Variants in KANSL1 observed in about 807,000 individuals in gnomAD.
The protein encoded by KANSL1 is KAT8 regulatory NSL complex subunit 1, also known as MLL1/MLL complex subunit KANSL1.
Under a neutral mutation model 103.6 loss-of-function variants are expected in KANSL1, and 22 were observed. The ratio of observed to expected loss-of-function variants is 0.21; its 90% confidence interval spans 0.15 to 0.30. The LOEUF (loss-of-function observed/expected upper bound fraction) is 0.30, where lower values mean the gene tolerates loss of function less well. Among genes scored for constraint, KANSL1 ranks in the 10% least tolerant of loss-of-function variants. KANSL1 has a pLI of 1.00. For missense variants in KANSL1, 1,337 were observed against 1,399.8 expected (o/e 0.96, Z 0.72); for synonymous variants, 600 against 527.6 (o/e 1.14, Z -1.88).
In KANSL1 at chr17:46,104,291, C is replaced by A. The variant is rs565737757; in HGVS notation, c.1290-9590G>T. ...CAATAAAAGAAATGTAATTGTTTGT[C>A]ATACCCTATGCAAATTTCCAACCAG... On this transcript the variant is annotated intron_variant, in intron 2 of 14. Coordinates refer to ENST00000432791, the MANE Select transcript of KANSL1 (RefSeq NM_015443.4). Among the ~76,000 whole-genome samples, 6 of 152,258 alleles carry A rather than the reference C, an allele frequency of 3.9e-5. No individual in the cohort carries two copies. In the East Asian group the frequency reaches 1.2e-3, roughly 29 times the overall value.
intron 1 of KANSL1, among the ~76,000 whole-genome samples, chr17:46,174,832 C>A (rs1040449183): frequency 2.6e-5 from 4 of 152,188 alleles, no homozygotes; most frequent in Admixed American, 2.0e-4. Flanking sequence ...TGCCACCATG[C>A]CCGGCTAATT....
chr17:46,130,856 T>C (rs1249427591), intron 2 of KANSL1, among the ~76,000 whole-genome samples: 1 of 152,240 alleles, frequency 6.6e-6, no homozygotes, highest in Non-Finnish European at 1.5e-5. Flanking sequence ...TGGTTCACTG[T>C]ACCACTTACA....
At chr17:46,060,916 G>C (rs2078135089) in intron 6 of KANSL1, among the ~76,000 whole-genome samples, 1 of 152,128 alleles carries the variant, frequency 6.6e-6, no homozygotes. Flanking sequence ...ATTTGGCCCA[G>C]AGCAATCCCC....
chr17:46,117,762 C>T (rs2043107187), intron 2 of KANSL1, among the ~76,000 whole-genome samples: 1 of 152,110 alleles, frequency 6.6e-6, no homozygotes, highest in Non-Finnish European at 1.5e-5. Flanking sequence ...AAACAATTTG[C>T]ATTTTAATTA....
At chr17:46,176,728 T>C (rs1482803365) in intron 1 of KANSL1, among the ~76,000 whole-genome samples, 1 of 152,022 alleles carries the variant, frequency 6.6e-6, no homozygotes, top group African/African-American at 2.4e-5. Context: ...CTCCAAGACT[T>C]CTCTGAAATG....
intron 6 of KANSL1, among the ~76,000 whole-genome samples, chr17:46,055,128 C>T (rs1333889870): frequency 6.6e-6 from 1 of 151,556 alleles, no homozygotes; most frequent in South Asian, 2.1e-4. Context: ...GGATTACAGA[C>T]GTGAGCCACC....
At chr17:46,105,499 C>T (rs1204328590) in intron 2 of KANSL1, among the ~76,000 whole-genome samples, 1 of 152,066 alleles carries the variant, frequency 6.6e-6, no homozygotes. Flanking sequence ...GCCTGTAATT[C>T]CAGCTACTTG....
chr17:46,109,177 G>A (rs1247694040), intron 2 of KANSL1, among the ~76,000 whole-genome samples: 1 of 152,048 alleles, frequency 6.6e-6, no homozygotes, highest in Non-Finnish European at 1.5e-5. Flanking sequence ...CAAACTCCTA[G>A]GCTCAGGTGA....
At chr17:46,073,252 C>T (rs1016007991) in intron 4 of KANSL1, among the ~76,000 whole-genome samples, 6 of 152,214 alleles carry the variant, frequency 3.9e-5, no homozygotes, top group Non-Finnish European at 7.3e-5. Context: ...ATTAGCTCTT[C>T]ACTTAATAGT....
At chr17:46,202,281 A>G (rs2047831155) in intron 1 of KANSL1, among the ~76,000 whole-genome samples, 1 of 152,262 alleles carries the variant, frequency 6.6e-6, no homozygotes, top group Non-Finnish European at 1.5e-5. Context: ...TCTCCAAGAT[A>G]GTACATTATG....
intron 1 of KANSL1, among the ~76,000 whole-genome samples, chr17:46,217,145 C>G (rs1006770590): frequency 1.3e-5 from 2 of 149,958 alleles, no homozygotes; most frequent in African/African-American, 4.9e-5. Flanking sequence ...ATATGTAGTA[C>G]TCCTAACATT....
rs142905879 is a variant in KANSL1, at chr17:46,116,756, G to A, written c.1290-22055C>T. 7.5e-3 allele frequency among the ~76,000 whole-genome samples: 1,136 copies of A among 152,182 alleles called. 15 individuals are homozygous for A. Among genetic ancestry groups the A allele is most frequent in the African/African-American group, 0.027 (1,101 of 41,478 alleles). On this transcript the variant is annotated intron_variant, in intron 2 of 14. Coordinates refer to ENST00000432791, the MANE Select transcript of KANSL1 (RefSeq NM_015443.4). ...TTTAGAGTCCTCCAATTTCTTATCAGTTTTCCAATACAGCTCAAGAACTTT... is the reference window on the plus strand; with the variant it reads ...TTTAGAGTCCTCCAATTTCTTATCAATTTTCCAATACAGCTCAAGAACTTT...
chr17:46,086,043 TTTG>T (rs1370637700), intron 3 of KANSL1, among the ~76,000 whole-genome samples: 3 of 152,230 alleles, frequency 2.0e-5, no homozygotes, highest in Admixed American at 6.5e-5. Context: ...ATAGCAAATA[TTTG>T]TTGAGTTGTA....
chr17:46,200,529 T>C (rs950522462), intron 1 of KANSL1, among the ~76,000 whole-genome samples: 7 of 152,204 alleles, frequency 4.6e-5, no homozygotes, highest in Admixed American at 3.9e-4. Flanking sequence ...GATCACGAGA[T>C]CCGGAGATCG....
intron 1 of KANSL1, among the ~76,000 whole-genome samples, chr17:46,190,214 T>C (rs969890662): frequency 3.9e-5 from 6 of 152,246 alleles, no homozygotes; most frequent in African/African-American, 1.2e-4. Flanking sequence ...GAAAAAAGTT[T>C]AGTATAGTTA....
chr17:46,071,977 C>T (rs1487913627), intron 4 of KANSL1, among the ~76,000 whole-genome samples: 2 of 137,710 alleles, frequency 1.5e-5, no homozygotes, highest in African/African-American at 2.9e-5. Context: ...TGAATTGCTC[C>T]CCCCACCCCT....
intron 2 of KANSL1, among the ~76,000 whole-genome samples, chr17:46,128,528 G>C (rs2043687064): frequency 6.6e-6 from 1 of 152,208 alleles, no homozygotes; most frequent in Non-Finnish European, 1.5e-5. Flanking sequence ...AACACAGTAA[G>C]AGGACAGAGA....
At chr17:46,102,493 G>T (rs536330967) in intron 2 of KANSL1, among the ~76,000 whole-genome samples, 2 of 152,006 alleles carry the variant, frequency 1.3e-5, no homozygotes, top group Non-Finnish European at 2.9e-5. Flanking sequence ...CAAATGATCC[G>T]TCTGCCTCAG....
chr17:46,213,023 G>A (rs980121727), intron 1 of KANSL1, among the ~76,000 whole-genome samples: 4 of 152,234 alleles, frequency 2.6e-5, no homozygotes, highest in East Asian at 3.9e-4. Flanking sequence ...TCTCTTGGCC[G>A]ACAAACTTTC....
Sources: gnomAD v4.1 joint callset for allele counts (sites outside exome capture counted in the v4.1 genomes callset) on GRCh38, gnomAD v4.1.1 for gene constraint, MANE v1.5 for transcripts, NCBI Gene and HGNC (gene_info 2026-07-23, HGNC 2026-07-21) for gene names.